MTOR: variants seen among roughly 807,000 people sequenced by gnomAD.
The protein encoded by MTOR is mechanistic target of rapamycin kinase.
In MTOR, 70 loss-of-function variants were observed where a neutral mutation model predicts 319.8. The observed-to-expected ratio is 0.22, with a 90% confidence interval of 0.18 to 0.27. MTOR has a LOEUF of 0.27. Ranked by LOEUF, MTOR falls within the 10% of genes least tolerant of loss-of-function variation. MTOR has a pLI of 1.00. For missense variants in MTOR, 1,890 were observed against 3,274.4 expected (o/e 0.58, Z 10.32); for synonymous variants, 1,183 against 1,211.4 (o/e 0.98, Z 0.49).
intron 28 of MTOR, among the ~76,000 whole-genome samples, chr1:11,181,827 T>C (rs1645153539): frequency 6.6e-6 from 1 of 152,252 alleles, no homozygotes; most frequent in Non-Finnish European, 1.5e-5. Context: ...TTAGGCTTTA[T>C]GCTAAGTGCT....
rs1268406543 is a variant in MTOR, at chr1:11,240,567, T to C, written c.1542-20A>G. On this transcript the variant is annotated intron_variant, in intron 10 of 57. Coordinates refer to ENST00000361445, the MANE Select transcript of MTOR (RefSeq NM_004958.4). ...GCAGGGCTGAGGGGAAGGAAACAAGTCACATAAGGGCTGGGCACATGACAC... is the reference window on the plus strand; with the variant it reads ...GCAGGGCTGAGGGGAAGGAAACAAGCCACATAAGGGCTGGGCACATGACAC... 1 of 1,610,898 alleles carries C rather than the reference T, an allele frequency of 6.2e-7. No homozygotes were observed. The highest frequency in any genetic ancestry group is 1.7e-5 in the Admixed American group (1 of 59,800).
At position 11,128,812 on chromosome 1, in the gene MTOR, G is replaced by T; in HGVS notation, c.5811+43C>A. The stretch of plus-strand genomic sequence containing the variant: ...TGCTTGTAAGAGGAGACACACAGAA[G>T]AGAGACTTGGAGCCACCTTCACCTG... On this transcript the variant is annotated intron_variant, in intron 41 of 57. Coordinates refer to ENST00000361445, the MANE Select transcript of MTOR (RefSeq NM_004958.4). This position sits in a 1 kb window ranked among gnomAD's most constrained non-coding sequence, Gnocchi z 5.3. The T allele has an allele frequency of 6.7e-7, 1 of 1,503,002 alleles. No homozygotes were observed. Among genetic ancestry groups the T allele is most frequent in the Non-Finnish European group, 9.2e-7 (1 of 1,082,986 alleles). 93.1% of individuals were successfully genotyped at this position (1,503,002 alleles called of 1,614,324 possible). A position where few individuals can be genotyped will look rare whatever the true frequency, so the allele number is the denominator to read the frequency against.
chr1:11,257,750 A>G (rs1402018003), intron 3 of MTOR, among the ~76,000 whole-genome samples: 1 of 152,102 alleles, frequency 6.6e-6, no homozygotes, highest in East Asian at 1.9e-4. Context: ...CTACCCCCCA[A>G]AAAGGGAAAA....
chr1:11,192,199 A>G (rs926012519), intron 28 of MTOR: 1 of 1,119,662 alleles, frequency 8.9e-7, no homozygotes, highest in Non-Finnish European at 1.3e-6. Context: ...ATAAAGGCTC[A>G]GTCTCTAAAC....
At chr1:11,157,386 C>G (rs537116907) in intron 29 of MTOR, 95 bp from the exon 30 acceptor site, 1 of 1,410,244 alleles carries the variant, frequency 7.1e-7, no homozygotes, top group Non-Finnish European at 9.5e-7. Context: ...TGCTGCTGTA[C>G]GCATGACACT....
In MTOR at chr1:11,128,801, G is replaced by C. The variant is rs758493719; in HGVS notation, c.5811+54C>G. On this transcript the variant is annotated intron_variant, in intron 41 of 57. Transcript: ENST00000361445. The surrounding 1 kb of genome is among the most constrained non-coding windows in gnomAD (Gnocchi z 5.3). ...TGAACACAGCATGCTTGTAAGAGGAGACACACAGAAGAGAGACTTGGAGCC... is the reference window on the plus strand; with the variant it reads ...TGAACACAGCATGCTTGTAAGAGGACACACACAGAAGAGAGACTTGGAGCC... 37 of 1,427,728 alleles carry C rather than the reference G, an allele frequency of 2.6e-5. No individual in the cohort carries two copies. Among genetic ancestry groups the C allele is most frequent in the Non-Finnish European group, 3.4e-5 (35 of 1,016,744 alleles). 88.4% of individuals were successfully genotyped at this position (1,427,728 alleles called of 1,614,324 possible).
At chr1:11,126,845 T>G in intron 45 of MTOR, 49 bp from the exon 46 acceptor site, 1 of 1,593,538 alleles carries the variant, frequency 6.3e-7, no homozygotes, top group Non-Finnish European at 8.5e-7. Context: ...AGGGAAGAAT[T>G]TAAACGCAAT....
rs1237012910 is a variant in MTOR, at chr1:11,119,599, A to G, written c.6933+1647T>C. 3.4e-5 allele frequency among the ~76,000 whole-genome samples: 5 copies of G among 146,696 alleles called. No homozygotes were observed. In the East Asian group the frequency reaches 8.0e-4, roughly 24 times the overall value. ...AAAAAAAAAAAAAAAAAAAAAAAAA[A>G]GCCGGGCATGGTGGCACGCGCCTGT... On this transcript the variant is annotated intron_variant, in intron 49 of 57. Coordinates refer to ENST00000361445, the MANE Select transcript of MTOR (RefSeq NM_004958.4).
intron 2 of MTOR, among the ~76,000 whole-genome samples, chr1:11,258,897 C>T (rs1377451000): frequency 6.6e-6 from 1 of 152,190 alleles, no homozygotes; most frequent in Non-Finnish European, 1.5e-5. Flanking sequence ...AGTCTGGTCT[C>T]TATTTAGAAA....
chr1:11,214,759 A>C (rs1023283407), intron 20 of MTOR, among the ~76,000 whole-genome samples: 7 of 152,172 alleles, frequency 4.6e-5, no homozygotes, highest in African/African-American at 1.7e-4. Context: ...TGTGTTTTCT[A>C]GGTTAAAAGT....
intron 25 of MTOR, among the ~76,000 whole-genome samples, chr1:11,205,357 C>T (rs1464287568): frequency 6.6e-6 from 1 of 152,172 alleles, no homozygotes; most frequent in Non-Finnish European, 1.5e-5. Context: ...GACTCAATGG[C>T]TTCAGTTCAA....
chr1:11,222,308 TG>T (rs905587831), intron 19 of MTOR, among the ~76,000 whole-genome samples: 2 of 152,026 alleles, frequency 1.3e-5, no homozygotes, highest in African/African-American at 4.8e-5. Flanking sequence ...GCCATTCTCC[TG>T]TCTCAGCCTC....
intron 28 of MTOR, chr1:11,189,579 G>C (rs1323845480): frequency 5.0e-6 from 8 of 1,593,486 alleles, no homozygotes; most frequent in Non-Finnish European, 6.8e-6. Flanking sequence ...ACCCACAAAA[G>C]ATGCTGAAAA....
intron 26 of MTOR, among the ~76,000 whole-genome samples, chr1:11,201,966 C>G (rs1449859262): frequency 6.6e-6 from 1 of 152,104 alleles, no homozygotes; most frequent in Non-Finnish European, 1.5e-5. Flanking sequence ...TGCCACCACG[C>G]TTGGCTAATT....
chr1:11,253,464 G>A (rs954802561), intron 6 of MTOR, among the ~76,000 whole-genome samples: 3 of 151,940 alleles, frequency 2.0e-5, no homozygotes, highest in Non-Finnish European at 2.9e-5. Flanking sequence ...CCTTGCTCCC[G>A]GTACACCAGC....
intron 49 of MTOR, among the ~76,000 whole-genome samples, chr1:11,118,374 TAAC>T (rs1339543002): frequency 2.6e-5 from 1 of 38,410 alleles, no homozygotes. Context: ...GTAGCTAGGA[TAAC>T]AGGCACGTGC....
chr1:11,213,585 C>A lies in MTOR; in HGVS notation c.3118-19G>T. 1 of 1,610,930 alleles carries A rather than the reference C, an allele frequency of 6.2e-7. No homozygotes were observed. The highest frequency in any genetic ancestry group is 1.1e-5 in the South Asian group (1 of 90,684). On this transcript the variant is annotated intron_variant, in intron 20 of 57. Coordinates refer to ENST00000361445, the MANE Select transcript of MTOR (RefSeq NM_004958.4). ...AGAATTCCTACAAAGAGAGAAAAGT[C>A]AGAGGAGCTGAGTCAGGTCCCTTTC...
intron 28 of MTOR, chr1:11,194,880 G>A (rs1557829871): frequency 6.2e-7 from 1 of 1,614,152 alleles, no homozygotes; most frequent in Non-Finnish European, 8.5e-7. Flanking sequence ...CTGCTGCACA[G>A]ACTCCAACCT....
intron 50 of MTOR, among the ~76,000 whole-genome samples, chr1:11,116,231 C>G (rs897777485): frequency 6.6e-6 from 1 of 152,168 alleles, no homozygotes; most frequent in Non-Finnish European, 1.5e-5. Flanking sequence ...TGGTTGGTTT[C>G]AATTACAGAA....
Sources: allele counts gnomAD v4.1 joint callset (sites outside exome capture counted in the v4.1 genomes callset), GRCh38; gene constraint gnomAD v4.1.1; non-coding constraint Gnocchi (gnomAD v3.1); transcripts MANE v1.5; gene names NCBI Gene and HGNC (gene_info 2026-07-23, HGNC 2026-07-21).